PIK3AP1: variants seen among roughly 807,000 people sequenced by gnomAD.
PIK3AP1 encodes the protein phosphoinositide 3-kinase adapter protein 1.
PIK3AP1 carries 21 observed loss-of-function variants against 88.1 expected under a neutral mutation model. The ratio of observed to expected loss-of-function variants is 0.24; its 90% confidence interval spans 0.17 to 0.34. PIK3AP1 has a LOEUF of 0.34. PIK3AP1 is among the 10% of genes least tolerant of loss of function. The pLI is 1.00. For synonymous variants in PIK3AP1, 398 were observed against 400.0 expected (o/e 1.00, Z 0.06); for missense variants, 828 against 1,035.7 (o/e 0.80, Z 2.75).
chr10:96,687,282 AAAAG>A (rs1352859441), intron 2 of PIK3AP1, among the ~76,000 whole-genome samples: 65 of 131,662 alleles, frequency 4.9e-4, no homozygotes, highest in Non-Finnish European at 7.3e-4. Context: ...AAAAAAAAAA[AAAAG>A]AAAAAAGATC....
intron 2 of PIK3AP1, among the ~76,000 whole-genome samples, chr10:96,671,616 G>T (rs1843847903): frequency 6.6e-6 from 1 of 152,158 alleles, no homozygotes; most frequent in Admixed American, 6.5e-5. Flanking sequence ...CAATTATTTA[G>T]AAGTGTTAGT....
intron 8 of PIK3AP1, among the ~76,000 whole-genome samples, chr10:96,636,669 C>T (rs766495895): frequency 1.3e-5 from 2 of 152,144 alleles, no homozygotes; most frequent in Non-Finnish European, 1.5e-5. Context: ...TGAAACCTGC[C>T]GGTCTGAGGA....
At chr10:96,651,735 C>T (rs1290447086) in intron 4 of PIK3AP1, 84 bp from the exon 5 acceptor site, 1 of 1,471,976 alleles carries the variant, frequency 6.8e-7, no homozygotes, top group Non-Finnish European at 9.3e-7. Flanking sequence ...CACACTCCAT[C>T]TGAGTGGTGA....
intron 2 of PIK3AP1, among the ~76,000 whole-genome samples, chr10:96,695,725 G>A (rs2134278126): frequency 6.6e-6 from 1 of 151,368 alleles, no homozygotes; most frequent in African/African-American, 2.4e-5. Context: ...TCTATAGATT[G>A]CCTCACTTTT....
chr10:96,670,686 A>T (rs1422133491), intron 2 of PIK3AP1, among the ~76,000 whole-genome samples: 1 of 152,226 alleles, frequency 6.6e-6, no homozygotes, highest in Non-Finnish European at 1.5e-5. Flanking sequence ...TGTCAGCAAA[A>T]TGTATTCAGG....
intron 2 of PIK3AP1, among the ~76,000 whole-genome samples, chr10:96,690,924 G>A (rs574781263): frequency 7.7e-4 from 117 of 152,290 alleles, no homozygotes; most frequent in African/African-American, 2.7e-3. Flanking sequence ...GAAGCTCCTA[G>A]GGGCTGTAAT....
intron 13 of PIK3AP1, among the ~76,000 whole-genome samples, chr10:96,612,747 G>C (rs998659706): frequency 4.0e-5 from 6 of 151,584 alleles, no homozygotes; most frequent in African/African-American, 9.7e-5. Context: ...AAATGTCCCA[G>C]CTGTCTCGTT....
intron 2 of PIK3AP1, among the ~76,000 whole-genome samples, chr10:96,674,336 C>T (rs1843888015): frequency 6.6e-6 from 1 of 152,200 alleles, no homozygotes; most frequent in African/African-American, 2.4e-5. Context: ...TCTGCCACTT[C>T]CTGGGTAATC....
At position 96,662,220 on chromosome 10, in the gene PIK3AP1, T is replaced by A. The variant is rs553598464; in HGVS notation, c.431-5286A>T. Among the ~76,000 whole-genome samples the A allele has an allele frequency of 4.6e-5, 7 of 152,362 alleles. No homozygotes were observed. The South Asian group carries it at 1.4e-3, about 32-fold the overall frequency. On this transcript the variant is annotated intron_variant, in intron 2 of 16. Transcript: ENST00000339364. The stretch of plus-strand genomic sequence containing the variant: ...ATAAACAAAATGAGGTATGTCCATA[T>A]AATGGAACATTACTCAGCAATAAAG...
chr10:96,621,685 A>T (rs1183922814), intron 11 of PIK3AP1: 1 of 152,368 alleles, frequency 6.6e-6, no homozygotes, highest in Non-Finnish European at 1.5e-5. Flanking sequence ...AGGCCCTCCC[A>T]CTGCATCAGC....
chr10:96,650,274 A>T (rs1447412996), intron 6 of PIK3AP1, among the ~76,000 whole-genome samples: 1 of 152,200 alleles, frequency 6.6e-6, no homozygotes. Flanking sequence ...TAGACTACAG[A>T]AGGATGGAAC....
intron 14 of PIK3AP1, among the ~76,000 whole-genome samples, chr10:96,606,095 A>G (rs1337230344): frequency 2.6e-5 from 4 of 152,182 alleles, no homozygotes; most frequent in Non-Finnish European, 4.4e-5. Context: ...AAACAAAAAC[A>G]AAAACAAAAA....
intron 8 of PIK3AP1, among the ~76,000 whole-genome samples, chr10:96,637,598 C>G (rs533263543): frequency 1.1e-3 from 160 of 152,236 alleles, no homozygotes; most frequent in Non-Finnish European, 2.1e-3. Flanking sequence ...GATCTGCCCA[C>G]TTTGGCCTCC....
At chr10:96,672,128 GA>G (rs1843855809) in intron 2 of PIK3AP1, among the ~76,000 whole-genome samples, 1 of 152,230 alleles carries the variant, frequency 6.6e-6, no homozygotes, top group Non-Finnish European at 1.5e-5. Flanking sequence ...AAGGAGGAAT[GA>G]ATCCACTTCT....
In PIK3AP1 at chr10:96,651,237, T is replaced by C; in HGVS notation, c.988+11A>G. 1.2e-6 allele frequency: 2 copies of C among 1,614,268 alleles called. No homozygotes were observed. The highest frequency in any genetic ancestry group is 1.7e-6 in the Non-Finnish European group (2 of 1,180,044). On this transcript the variant is annotated intron_variant, in intron 6 of 16. Transcript: ENST00000339364. Reference sequence around the variant, plus strand: ...CCACGTTGGTTTCCTGAGGTTTGACTGTCAACTTACTTGTCATCATATCTT... The same window carrying C: ...CCACGTTGGTTTCCTGAGGTTTGACCGTCAACTTACTTGTCATCATATCTT...
At chr10:96,651,474 C>T (rs772234870) in intron 5 of PIK3AP1, 35 bp downstream of exon 5, 3 of 1,614,010 alleles carry the variant, frequency 1.9e-6, no homozygotes, top group South Asian at 1.1e-5. Flanking sequence ...AAATTACATG[C>T]CCAGAAATCT....
rs187125152 is a variant in PIK3AP1, at chr10:96,692,150, C to T, written c.430+17417G>A. On this transcript the variant is annotated intron_variant, in intron 2 of 16. Coordinates refer to ENST00000339364, the MANE Select transcript of PIK3AP1 (RefSeq NM_152309.3). ...GGACAGAAGAAAACCCATACAGATG[C>T]TTTCCAATAATCAAAATCAAATAAG... Among the ~76,000 whole-genome samples the T allele has an allele frequency of 3.6e-3, 541 of 152,294 alleles. 2 individuals are homozygous for T. The highest frequency in any genetic ancestry group is 0.01 in the Middle Eastern group (3 of 294).
intron 8 of PIK3AP1, among the ~76,000 whole-genome samples, chr10:96,629,745 T>G (rs1193012026): frequency 1.7e-5 from 2 of 120,448 alleles, no homozygotes; most frequent in South Asian, 2.7e-4. Context: ...ACAGAAAAAA[T>G]TAGCAAGGTA....
intron 8 of PIK3AP1, among the ~76,000 whole-genome samples, chr10:96,644,474 G>C (rs1843433098): frequency 6.6e-6 from 1 of 152,026 alleles, no homozygotes; most frequent in African/African-American, 2.4e-5. Context: ...ATATTGGCTG[G>C]GAGTCACAAG....
Sources: allele counts gnomAD v4.1 joint callset (sites outside exome capture counted in the v4.1 genomes callset), GRCh38; gene constraint gnomAD v4.1.1; transcripts MANE v1.5; gene names NCBI Gene and HGNC (gene_info 2026-07-23, HGNC 2026-07-21).